The following CCNY variants were observed in gnomAD, a reference collection of about 807,000 sequenced individuals.
CCNY encodes cyclin Y, also known as cyclin-Y.
In CCNY, 19 loss-of-function variants were observed where a neutral mutation model predicts 42.8. That is an observed-to-expected ratio of 0.44 (90% CI 0.31 to 0.65). The LOEUF (loss-of-function observed/expected upper bound fraction) is 0.65. CCNY is among the 30% of genes least tolerant of loss of function. The pLI is 0.07. For missense variants in CCNY, 370 were observed against 437.3 expected (o/e 0.85, Z 1.37); for synonymous variants, 165 against 162.7 (o/e 1.01, Z -0.11).
chr10:35,474,700 A>C (rs1839467518), intron 1 of CCNY, among the ~76,000 whole-genome samples: 1 of 152,028 alleles, frequency 6.6e-6, no homozygotes, highest in Admixed American at 6.5e-5. Context: ...ATGGGGAAAA[A>C]ACAGAACAGA....
chr10:35,482,437 AGTTTTTT>A (rs941515652), intron 1 of CCNY, among the ~76,000 whole-genome samples: 14 of 152,108 alleles, frequency 9.2e-5, no homozygotes, highest in East Asian at 5.8e-4. Context: ...CTATGGAATC[AGTTTTTT>A]GTTTTTTGTT....
chr10:35,378,967 G>A (rs1004924900), intron 1 of CCNY, among the ~76,000 whole-genome samples: 3 of 152,146 alleles, frequency 2.0e-5, no homozygotes, highest in East Asian at 1.9e-4. Flanking sequence ...CCAGAGTCAA[G>A]GGAGACATTG....
At chr10:35,465,787 C>CA (rs1411969215) in intron 1 of CCNY, among the ~76,000 whole-genome samples, 1 of 152,154 alleles carries the variant, frequency 6.6e-6, no homozygotes, top group Non-Finnish European at 1.5e-5. Flanking sequence ...GTCGAAATCT[C>CA]ACCTGCTCTG....
At chr10:35,566,727 G>A (rs1300442012) in intron 9 of CCNY, among the ~76,000 whole-genome samples, 2 of 152,072 alleles carry the variant, frequency 1.3e-5, no homozygotes, top group African/African-American at 4.8e-5. Context: ...GTTTTTTTGA[G>A]ATGGAGTCTT....
At chr10:35,475,916 T>C (rs985161016) in intron 1 of CCNY, among the ~76,000 whole-genome samples, 5 of 151,610 alleles carry the variant, frequency 3.3e-5, no homozygotes, top group Non-Finnish European at 5.9e-5. Flanking sequence ...GAGACACACA[T>C]AGGCTCAAAA....
At chr10:35,291,904 G>A (rs1656418464) in intron 3 of CCNY, among the ~76,000 whole-genome samples, 2 of 152,076 alleles carry the variant, frequency 1.3e-5, no homozygotes, top group African/African-American at 4.8e-5. Context: ...AGAATTGCTG[G>A]GCCATACATA....
At chr10:35,542,648 C>T (rs781034253) in intron 7 of CCNY, among the ~76,000 whole-genome samples, 31 of 152,210 alleles carry the variant, frequency 2.0e-4, no homozygotes, top group Non-Finnish European at 4.4e-4. Flanking sequence ...CATTGCAGCA[C>T]GGCTGTCCGA....
rs368603593 is a variant in CCNY, at chr10:35,343,492, C to T, written c.154+6285C>T. Among the ~76,000 whole-genome samples, 51 of 143,874 alleles carry T rather than the reference C, an allele frequency of 3.5e-4. 1 individual carries two copies. The highest frequency in any genetic ancestry group is 1.3e-3 in the African/African-American group (51 of 38,166). The allele number at this position is 143,874 out of a possible 152,430, so 94.4% of individuals were successfully genotyped here. A position where few individuals can be genotyped will look rare whatever the true frequency, so the allele number is the denominator to read the frequency against. On this transcript the variant is annotated intron_variant, in intron 1 of 9. Coordinates refer to ENST00000374704, the MANE Select transcript of CCNY (RefSeq NM_145012.6). ...GCAACCTCCGCCTCCTGGGTTGAAG[C>T]AATTCCCCTGCCTCAGCCTCCTAAG...
At chr10:35,465,563 C>T (rs36079056) in intron 1 of CCNY, among the ~76,000 whole-genome samples, 43,439 of 152,034 alleles carry the variant, frequency 0.29, 6,528 homozygotes, top group Admixed American at 0.35. Flanking sequence ...TGTTCTGGCA[C>T]CCAGGGCTTT....
At chr10:35,249,709 G>T (rs1039186597) in intron 2 of CCNY, among the ~76,000 whole-genome samples, 2 of 152,162 alleles carry the variant, frequency 1.3e-5, no homozygotes, top group Non-Finnish European at 1.5e-5. Flanking sequence ...GTACAGTAGG[G>T]AGTCCTTGCA....
chr10:35,333,504 C>G (rs1589040087), upstream of CCNY, among the ~76,000 whole-genome samples: 1 of 152,134 alleles, frequency 6.6e-6, no homozygotes, highest in East Asian at 1.9e-4. Context: ...AGAAGTGACA[C>G]TTGTTTTTTT....
chr10:35,507,155 AAGGAGC>A (rs1245356776), intron 3 of CCNY, among the ~76,000 whole-genome samples: 2 of 152,218 alleles, frequency 1.3e-5, no homozygotes, highest in African/African-American at 4.8e-5. Context: ...TGAAGCCTTG[AAGGAGC>A]ATTCTACTTG....
intron 2 of CCNY, among the ~76,000 whole-genome samples, chr10:35,497,165 C>T (rs548482784): frequency 2.7e-4 from 41 of 152,220 alleles, no homozygotes; most frequent in South Asian, 1.2e-3. Context: ...AGAAGCAAAA[C>T]ATAATTATTA....
intron 1 of CCNY, among the ~76,000 whole-genome samples, chr10:35,404,386 G>A (rs996395535): frequency 1.3e-5 from 2 of 152,128 alleles, no homozygotes; most frequent in Non-Finnish European, 2.9e-5. Context: ...TAGTGTGGGG[G>A]CAGCTTCTAG....
At chr10:35,559,971 G>T (rs370046849) in intron 8 of CCNY, among the ~76,000 whole-genome samples, 36 of 152,310 alleles carry the variant, frequency 2.4e-4, no homozygotes, top group African/African-American at 8.2e-4. Flanking sequence ...TGGACACTGT[G>T]ACCTCTTTCT....
chr10:35,432,532 A>G (rs1235928966), intron 1 of CCNY, among the ~76,000 whole-genome samples: 1 of 152,238 alleles, frequency 6.6e-6, no homozygotes, highest in Non-Finnish European at 1.5e-5. Flanking sequence ...TGGGTATAAG[A>G]GTATGATACT....
intron 1 of CCNY, among the ~76,000 whole-genome samples, chr10:35,344,473 T>C (rs1355054047): frequency 6.6e-6 from 1 of 152,146 alleles, no homozygotes; most frequent in Non-Finnish European, 1.5e-5. Flanking sequence ...AGGCGGATCA[T>C]GAGGTCAGGA....
At chr10:35,499,050 C>G (rs2135388019) in intron 2 of CCNY, among the ~76,000 whole-genome samples, 2 of 152,176 alleles carry the variant, frequency 1.3e-5, no homozygotes, top group Admixed American at 1.3e-4. Flanking sequence ...CTGATTCCTC[C>G]CTGAGATTGA....
intron 3 of CCNY, among the ~76,000 whole-genome samples, chr10:35,299,603 T>C (rs1467881918): frequency 6.6e-6 from 1 of 152,232 alleles, no homozygotes; most frequent in Non-Finnish European, 1.5e-5. Flanking sequence ...TTATGTCTCA[T>C]GTTTACCTTT....
Sources: allele counts gnomAD v4.1 joint callset (sites outside exome capture counted in the v4.1 genomes callset), GRCh38; gene constraint gnomAD v4.1.1; transcripts MANE v1.5; gene names NCBI Gene and HGNC (gene_info 2026-07-23, HGNC 2026-07-21).